The following DDX1 variants were observed in gnomAD, a reference collection of about 807,000 sequenced individuals.
The protein encoded by DDX1 is ATP-dependent RNA helicase DDX1.
DDX1 carries 28 observed loss-of-function variants against 108.7 expected under a neutral mutation model. That is an observed-to-expected ratio of 0.26 (90% CI 0.19 to 0.35). The LOEUF (loss-of-function observed/expected upper bound fraction) is 0.35, where lower values mean the gene tolerates loss of function less well. DDX1 is among the 10% of genes least tolerant of loss of function. DDX1 has a pLI of 1.00. For missense variants in DDX1, 710 were observed against 884.5 expected (o/e 0.80, Z 2.50); for synonymous variants, 295 against 288.9 (o/e 1.02, Z -0.21).
chr2:15,595,245 T>G, intron 2 of DDX1, 49 bp downstream of exon 2: 4 of 1,414,198 alleles, frequency 2.8e-6, no homozygotes, highest in Non-Finnish European at 3.9e-6. Flanking sequence ...TTTTATAATT[T>G]AAACAGTTGT....
intron 13 of DDX1, among the ~76,000 whole-genome samples, chr2:15,609,530 G>A (rs577903447): frequency 6.6e-6 from 1 of 152,202 alleles, no homozygotes; most frequent in Admixed American, 6.5e-5. Context: ...CCTTTTTAGA[G>A]CTATACTTGC....
intron 6 of DDX1, among the ~76,000 whole-genome samples, chr2:15,601,185 A>C (rs754314986): frequency 1.3e-5 from 2 of 152,168 alleles, no homozygotes; most frequent in Non-Finnish European, 1.5e-5. Context: ...TTTTTCCCAC[A>C]AGTCAAGCAA....
At chr2:15,614,209 A>G (rs1665855223) in intron 14 of DDX1, among the ~76,000 whole-genome samples, 1 of 152,240 alleles carries the variant, frequency 6.6e-6, no homozygotes, top group Non-Finnish European at 1.5e-5. Context: ...CTTACAGCTT[A>G]TAAATTTCTC....
At chr2:15,628,385 GT>G in intron 20 of DDX1, 59 bp from the exon 21 acceptor site, 1 of 1,276,576 alleles carries the variant, frequency 7.8e-7, no homozygotes, top group African/African-American at 1.5e-5. Flanking sequence ...GATAGCATTT[GT>G]TTTTATTGTT....
Position 15,628,630 on chromosome 2 carries a change from A to G in DDX1, c.1760-8A>G, listed in dbSNP as rs770440586. ...CTGGCAATTGTTAATAATGGTTTTT[A>G]TTTATAGTTATAAATGTCACTCTGC... is the stretch of plus-strand genomic sequence containing the variant. On this transcript the variant is annotated splice_region_variant and splice_polypyrimidine_tract_variant and intron_variant, in intron 21 of 25. Transcript: ENST00000233084. 119 of 1,608,388 alleles carry G rather than the reference A, an allele frequency of 7.4e-5. No homozygotes were observed. The highest frequency in any genetic ancestry group is 4.7e-4 in the Admixed American group (28 of 59,402).
chr2:15,608,360 T>C (rs1179011099), intron 13 of DDX1, among the ~76,000 whole-genome samples: 1 of 152,090 alleles, frequency 6.6e-6, no homozygotes, highest in African/African-American at 2.4e-5. Context: ...AAACCCCATC[T>C]CTACTAAAAT....
rs1558453242 is a variant in DDX1 at position 15,605,937 on chromosome 2, C to G, written c.626-13C>G. 6.5e-7 allele frequency: 1 copy of G among 1,530,624 alleles called. No homozygotes were observed. The highest frequency in any genetic ancestry group is 2.3e-5 in the East Asian group (1 of 44,136). The allele number at this position is 1,530,624 out of a possible 1,614,324, so 94.8% of individuals were successfully genotyped here. Reference sequence around the variant, plus strand: ...TGATTGTTTTAATCTCTCTCTCTCTCTTGTTTTTTAAGGAAAAGATCTTGG... The same window carrying G: ...TGATTGTTTTAATCTCTCTCTCTCTGTTGTTTTTTAAGGAAAAGATCTTGG... On this transcript the variant is annotated splice_polypyrimidine_tract_variant and intron_variant, in intron 10 of 25. Transcript: ENST00000233084.
chr2:15,627,441 C>A, intron 20 of DDX1: 1 of 238,440 alleles, frequency 4.2e-6, no homozygotes, highest in Non-Finnish European at 8.2e-6. Flanking sequence ...GATAGTTAAG[C>A]CATGTCTATG....
chr2:15,623,446 T>G lies in DDX1; in HGVS notation c.1458T>G (p.Ser486=). Reference sequence around the variant, plus strand: ...GTTATGATATTCAAGAGATGTGGTCTGAAGCTATTAAAATCCTGAAAGGGG... The same window carrying G: ...GTTATGATATTCAAGAGATGTGGTCGGAAGCTATTAAAATCCTGAAAGGGG... The part of the protein sequence containing the change: ...RPGANSPEMW[S]EAIKILKGEY... The change falls in exon 19 of 26, where the codon TCT becomes TCG. Residue 486 remains serine (S), a synonymous_variant. Coordinates refer to ENST00000233084, the MANE Select transcript of DDX1 (RefSeq NM_004939.3). 6.2e-7 allele frequency: 1 copy of G among 1,613,458 alleles called. No homozygotes were observed. The highest frequency in any genetic ancestry group is 8.5e-7 in the Non-Finnish European group (1 of 1,179,642).
chr2:15,627,771 A>G (rs955479132), intron 20 of DDX1, among the ~76,000 whole-genome samples: 1 of 152,196 alleles, frequency 6.6e-6, no homozygotes, highest in African/African-American at 2.4e-5. Flanking sequence ...ATTGGGTTGA[A>G]GAACTTTGGC....
chr2:15,600,134 T>C (rs1665567822), intron 6 of DDX1, among the ~76,000 whole-genome samples: 1 of 152,200 alleles, frequency 6.6e-6, no homozygotes, highest in Non-Finnish European at 1.5e-5. Context: ...AAAACTTTCC[T>C]AACCCAAATA....
At chr2:15,628,417 T>G in intron 20 of DDX1, 28 bp from the exon 21 acceptor site, 1 of 1,552,664 alleles carries the variant, frequency 6.4e-7, no homozygotes, top group Non-Finnish European at 8.9e-7. Context: ...GCTAACAAAC[T>G]CCTTTCTCTC....
chr2:15,601,729 A>G (rs774295208), intron 6 of DDX1, among the ~76,000 whole-genome samples: 2 of 152,252 alleles, frequency 1.3e-5, no homozygotes, highest in Non-Finnish European at 2.9e-5. Flanking sequence ...AAGAATTCAT[A>G]CTTTGAATAA....
chr2:15,615,017 A>G (rs1167292160), intron 14 of DDX1, among the ~76,000 whole-genome samples: 3 of 152,226 alleles, frequency 2.0e-5, no homozygotes, highest in Non-Finnish European at 2.9e-5. Flanking sequence ...GTGTTATACC[A>G]GAGCATTCTT....
intron 15 of DDX1, 78 bp from the exon 16 acceptor site, chr2:15,618,101 AAG>A: frequency 1.3e-6 from 1 of 762,882 alleles, no homozygotes; most frequent in South Asian, 2.4e-5. Flanking sequence ...ATTTAGAAAA[AAG>A]ATTTTTGATA....
At chr2:15,597,055 C>G (rs1019910842) in intron 4 of DDX1, among the ~76,000 whole-genome samples, 1 of 152,196 alleles carries the variant, frequency 6.6e-6, no homozygotes, top group South Asian at 2.1e-4. Flanking sequence ...AGGTTACATA[C>G]AGAAGTTGAT....
intron 16 of DDX1, among the ~76,000 whole-genome samples, chr2:15,618,865 T>C (rs1665943392): frequency 6.6e-6 from 1 of 152,218 alleles, no homozygotes; most frequent in African/African-American, 2.4e-5. Context: ...CTACCTCAAG[T>C]GTGCACACCC....
chr2:15,627,541 A>G (rs1408783298), intron 20 of DDX1: 1 of 164,330 alleles, frequency 6.1e-6, no homozygotes, highest in Non-Finnish European at 1.3e-5. Context: ...ATGTAGAATT[A>G]AAGGTATTTT....
At chr2:15,604,575 A>G (rs1377970407) in intron 10 of DDX1, 66 bp downstream of exon 10, 5 of 1,057,842 alleles carry the variant, frequency 4.7e-6, no homozygotes, top group African/African-American at 1.6e-5. Flanking sequence ...GTTTTTAAAA[A>G]TCCCCCCACC....
Sources: gnomAD v4.1 joint callset for allele counts (sites outside exome capture counted in the v4.1 genomes callset) on GRCh38, gnomAD v4.1.1 for gene constraint, MANE v1.5 for transcripts, NCBI Gene and HGNC (gene_info 2026-07-23, HGNC 2026-07-21) for gene names.